The following TCF12 variants were observed in gnomAD, a reference collection of about 807,000 sequenced individuals.
The protein encoded by TCF12 is transcription factor 12.
Under a neutral mutation model 86.0 loss-of-function variants are expected in TCF12, and 45 were observed. That is an observed-to-expected ratio of 0.52 (90% CI 0.41 to 0.67). The LOEUF (loss-of-function observed/expected upper bound fraction) is 0.67, where lower values mean the gene tolerates loss of function less well. Among genes scored for constraint, TCF12 ranks in the 30% least tolerant of loss-of-function variants. The pLI is 0.00. For missense variants in TCF12, 881 were observed against 859.9 expected (o/e 1.02, Z -0.31); for synonymous variants, 330 against 299.6 (o/e 1.10, Z -1.05).
chr15:57,127,493 A>G (rs1343526392), intron 5 of TCF12, among the ~76,000 whole-genome samples: 1 of 152,176 alleles, frequency 6.6e-6, no homozygotes, highest in East Asian at 1.9e-4. Context: ...CACCGTTTAT[A>G]TAGAAAATTT....
In TCF12 at chr15:57,252,927, C is replaced by CTT. The variant is rs57946842; in HGVS notation, c.1261-315_1261-314dup. ...GATCAGTATTAAAGTATAGGTTGTA[C>CTT]TTTTTTTTTTTTTTTTTTTTTGGCA... On this transcript the variant is annotated intron_variant, in intron 15 of 20. Coordinates refer to ENST00000333725, the MANE Select transcript of TCF12 (RefSeq NM_207037.2). Among the ~76,000 whole-genome samples, 46 of 89,764 alleles carry CTT rather than the reference C, an allele frequency of 5.1e-4. 1 individual carries two copies. Among genetic ancestry groups the CTT allele is most frequent in the African/African-American group, 1.2e-3 (31 of 25,794 alleles). 58.9% of individuals were successfully genotyped at this position (89,764 alleles called of 152,430 possible).
At chr15:56,957,984 A>G (rs1396723427) in intron 3 of TCF12, among the ~76,000 whole-genome samples, 1 of 152,162 alleles carries the variant, frequency 6.6e-6, no homozygotes, top group African/African-American at 2.4e-5. Flanking sequence ...GGGATTCCTG[A>G]AATTTTCCAG....
chr15:57,204,076 A>G (rs1379250340), intron 8 of TCF12, among the ~76,000 whole-genome samples: 1 of 152,118 alleles, frequency 6.6e-6, no homozygotes, highest in African/African-American at 2.4e-5. Context: ...CTTAGACTCT[A>G]CTTTTTCTTG....
intron 16 of TCF12, 49 bp from the exon 17 acceptor site, chr15:57,262,045 T>C: frequency 7.7e-7 from 1 of 1,301,618 alleles, no homozygotes; most frequent in Non-Finnish European, 1.1e-6. Flanking sequence ...AGTTATTGCC[T>C]CTGAACTATC....
chr15:57,214,783 A>C (rs1029732109), intron 8 of TCF12, among the ~76,000 whole-genome samples: 3 of 152,162 alleles, frequency 2.0e-5, no homozygotes, highest in African/African-American at 7.2e-5. Context: ...ATTGAGGCTT[A>C]ATTGGAACAG....
chr15:57,130,950 A>G (rs1423694279), intron 5 of TCF12, among the ~76,000 whole-genome samples: 1 of 152,218 alleles, frequency 6.6e-6, no homozygotes, highest in Non-Finnish European at 1.5e-5. Context: ...ACTAAATTTT[A>G]TCTGACTCCA....
intron 3 of TCF12, among the ~76,000 whole-genome samples, chr15:57,033,551 T>TA (rs1567291159): frequency 1.3e-5 from 2 of 151,948 alleles, no homozygotes; most frequent in African/African-American, 2.4e-5. Flanking sequence ...ACTTTTTTTT[T>TA]AGAGCAATTC....
At chr15:57,097,045 G>A (rs762045480) in intron 5 of TCF12, among the ~76,000 whole-genome samples, 22 of 152,204 alleles carry the variant, frequency 1.4e-4, no homozygotes, top group Admixed American at 3.3e-4. Context: ...CAGTGGATTT[G>A]TCTGGGAATT....
At chr15:57,107,955 G>T (rs67077316) in intron 5 of TCF12, among the ~76,000 whole-genome samples, 37,171 of 151,952 alleles carry the variant, frequency 0.24, 5,373 homozygotes, top group East Asian at 0.4. Context: ...GAAGATCCAT[G>T]AATTTCTAAG....
chr15:57,253,161 C>G (rs943164556), intron 15 of TCF12, 101 bp from the exon 16 acceptor site: 9 of 1,304,258 alleles, frequency 6.9e-6, no homozygotes, highest in Admixed American at 1.8e-5. Flanking sequence ...TACTGCATTT[C>G]ACTTGCTATC....
chr15:57,126,624 T>G (rs1352734723), intron 5 of TCF12, among the ~76,000 whole-genome samples: 3 of 152,226 alleles, frequency 2.0e-5, no homozygotes, highest in African/African-American at 7.2e-5. Flanking sequence ...CTTAGTTAGA[T>G]TCCATCTTTC....
intron 6 of TCF12, among the ~76,000 whole-genome samples, chr15:57,191,447 A>T (rs2056974905): frequency 6.6e-6 from 1 of 152,214 alleles, no homozygotes; most frequent in African/African-American, 2.4e-5. Flanking sequence ...TGAGTGACAG[A>T]GCATAATCCA....
At chr15:56,942,255 C>G (rs1041732142) in intron 3 of TCF12, among the ~76,000 whole-genome samples, 5 of 152,052 alleles carry the variant, frequency 3.3e-5, no homozygotes, top group Non-Finnish European at 7.4e-5. Context: ...TTTTGTGAAA[C>G]AAAGCTATGT....
chr15:56,933,446 GTT>G, intron 3 of TCF12, among the ~76,000 whole-genome samples: 1 of 152,270 alleles, frequency 6.6e-6, no homozygotes, highest in South Asian at 2.1e-4. Flanking sequence ...AGAATGGTTT[GTT>G]TAAGGTAGTG....
chr15:57,055,674 T>A (rs1188808850), intron 3 of TCF12, among the ~76,000 whole-genome samples: 1 of 152,180 alleles, frequency 6.6e-6, no homozygotes, highest in Non-Finnish European at 1.5e-5. Flanking sequence ...ATTTGAAATG[T>A]TGTTACTTTC....
chr15:57,021,608 A>T (rs778236818), intron 3 of TCF12, among the ~76,000 whole-genome samples: 7 of 152,216 alleles, frequency 4.6e-5, no homozygotes, highest in Non-Finnish European at 1.0e-4. Flanking sequence ...AATGTTCTTT[A>T]CACAGAAGTG....
chr15:57,028,725 T>A (rs1232405135), intron 3 of TCF12, among the ~76,000 whole-genome samples: 1 of 152,200 alleles, frequency 6.6e-6, no homozygotes, highest in Non-Finnish European at 1.5e-5. Flanking sequence ...AAAAACATCT[T>A]TGCTTACTGC....
chr15:56,944,992 A>G (rs1343457188), intron 3 of TCF12, among the ~76,000 whole-genome samples: 10 of 152,158 alleles, frequency 6.6e-5, no homozygotes, highest in African/African-American at 2.4e-4. Flanking sequence ...TTATCTATTT[A>G]GGTCTTCTGT....
At chr15:57,093,314 A>G (rs1222526224) in intron 5 of TCF12, among the ~76,000 whole-genome samples, 1 of 152,202 alleles carries the variant, frequency 6.6e-6, no homozygotes, top group African/African-American at 2.4e-5. Flanking sequence ...TCGGAGTACA[A>G]CTTTTCCCCA....
Sources: gnomAD v4.1 joint callset for allele counts (sites outside exome capture counted in the v4.1 genomes callset) on GRCh38, gnomAD v4.1.1 for gene constraint, MANE v1.5 for transcripts, NCBI Gene and HGNC (gene_info 2026-07-23, HGNC 2026-07-21) for gene names.